The following GYPB variants were observed in gnomAD, a reference collection of about 807,000 sequenced individuals.
GYPB encodes glycophorin-B.
In GYPB, 13 loss-of-function variants were observed where a neutral mutation model predicts 15.3. The observed-to-expected ratio is 0.85, with a 90% confidence interval of 0.55 to 1.35. GYPB has a LOEUF of 1.35. GYPB is among the 40% of genes most tolerant of loss of function. The probability of loss-of-function intolerance (pLI) is 0.00; values close to 1 mark genes in which losing one functional copy is unlikely to be tolerated. For synonymous variants in GYPB, 38 were observed against 36.9 expected (o/e 1.03, Z -0.11); for missense variants, 131 against 108.3 (o/e 1.21, Z -0.93).
At chr4:144,015,764 G>T (rs1728454767) in intron 1 of GYPB, among the ~76,000 whole-genome samples, 1 of 151,214 alleles carries the variant, frequency 6.6e-6, no homozygotes. Flanking sequence ...ATATTTACAG[G>T]TTTGGCAGCT....
intron 1 of GYPB, among the ~76,000 whole-genome samples, chr4:144,003,460 A>T (rs1356879413): frequency 6.6e-6 from 1 of 151,284 alleles, no homozygotes; most frequent in Non-Finnish European, 1.5e-5. Context: ...CTGAGGCTTT[A>T]AAGGGGGCAG....
At chr4:144,007,423 T>G (rs1225488903) in intron 1 of GYPB, among the ~76,000 whole-genome samples, 2 of 151,698 alleles carry the variant, frequency 1.3e-5, no homozygotes, top group Non-Finnish European at 2.9e-5. Context: ...GGTGCTGTAT[T>G]TATTCTATCT....
rs549738513 is a variant in GYPB, at chr4:144,016,015, T to C, written c.37+3236A>G. Reference sequence around the variant, plus strand: ...TGTGGCTGACAATGTGTGGGACACATAAGCGAAGACACAGGTTTGGCTTTT... The same window carrying C: ...TGTGGCTGACAATGTGTGGGACACACAAGCGAAGACACAGGTTTGGCTTTT... On this transcript the variant is annotated intron_variant, in intron 1 of 4. Transcript: ENST00000502664. Among the ~76,000 whole-genome samples, 3 of 151,102 alleles carry C rather than the reference T, an allele frequency of 2.0e-5. No homozygotes were observed. The South Asian group carries it at 6.2e-4, about 31-fold the overall frequency.
At chr4:144,003,975 A>G (rs10222701) in intron 1 of GYPB, among the ~76,000 whole-genome samples, 127,270 of 148,570 alleles carry the variant, frequency 0.86, 57,868 homozygotes, top group Non-Finnish European at 0.99. Flanking sequence ...CTAACATTGA[A>G]GGTAACACAT....
intron 1 of GYPB, among the ~76,000 whole-genome samples, chr4:144,013,485 C>A (rs1579068926): frequency 6.6e-6 from 1 of 151,248 alleles, no homozygotes; most frequent in Non-Finnish European, 1.5e-5. Flanking sequence ...TTTATTGTGG[C>A]ATTATTCACA....
chr4:144,009,125 A>G (rs116078200), intron 1 of GYPB, among the ~76,000 whole-genome samples: 7,343 of 151,184 alleles, frequency 0.049, 255 homozygotes, highest in Middle Eastern at 0.12. Context: ...ATTCACATTT[A>G]ATTTTACTTT....
chr4:144,004,358 T>C (rs1488518700), intron 1 of GYPB, among the ~76,000 whole-genome samples: 2 of 151,946 alleles, frequency 1.3e-5, no homozygotes, highest in African/African-American at 4.9e-5. Flanking sequence ...AGCCTTTCAG[T>C]AGGAATTAAT....
At chr4:143,996,966 G>T (rs1727350901) in intron 4 of GYPB, among the ~76,000 whole-genome samples, 1 of 150,780 alleles carries the variant, frequency 6.6e-6, no homozygotes. Context: ...GAGTGCAGTA[G>T]CATGATCACA....
chr4:144,005,388 TA>T (rs1162267278), intron 1 of GYPB, among the ~76,000 whole-genome samples: 2 of 151,964 alleles, frequency 1.3e-5, no homozygotes, highest in East Asian at 3.8e-4. Flanking sequence ...GGGCATATTG[TA>T]CATACAAAAA....
At chr4:144,001,420 C>G (rs915991006) in intron 1 of GYPB, 137 bp from the exon 2 acceptor site, 236 of 1,483,840 alleles carry the variant, frequency 1.6e-4, no homozygotes, top group Admixed American at 1.9e-4. Context: ...CTTACATAAT[C>G]TTTAGAGAAT....
At chr4:144,006,213 G>A (rs556253319) in intron 1 of GYPB, among the ~76,000 whole-genome samples, 77 of 152,052 alleles carry the variant, frequency 5.1e-4, no homozygotes, top group African/African-American at 1.7e-3. Flanking sequence ...GGAATGAATT[G>A]GTATACTTTC....
At chr4:143,995,501 G>T (rs370231152), downstream of GYPB, among the ~76,000 whole-genome samples, 3 of 151,360 alleles carry the variant, frequency 2.0e-5, no homozygotes, top group African/African-American at 7.4e-5. Context: ...GGGACCCCAG[G>T]TCCTTTGGTT....
chr4:143,999,267 C>A, intron 3 of GYPB, 144 bp downstream of exon 3: 1 of 581,612 alleles, frequency 1.7e-6, no homozygotes, highest in Non-Finnish European at 3.1e-6. Context: ...AGAATATTTT[C>A]TTTGTCTTTA....
chr4:144,019,225 A>T (rs201969751), intron 1 of GYPB, 26 bp downstream of exon 1: 39 of 1,610,416 alleles, frequency 2.4e-5, no homozygotes, highest in Non-Finnish European at 3.1e-5. Context: ...AATATAACAG[A>T]ACCAAGATGA....
At position 143,996,242 on chromosome 4, in the gene GYPB, G is replaced by A. The variant is rs1263409556; in HGVS notation, c.*57C>T. ...AGGTGCAGCCAGTTTGCATAAACAA[G>A]AGAACAGCAGGTGCAGCCGGTTCTA... On this transcript the variant is annotated 3_prime_UTR_variant, in exon 5 of 5. Coordinates refer to ENST00000502664, the MANE Select transcript of GYPB (RefSeq NM_002100.6). 8.4e-6 allele frequency: 13 copies of A among 1,550,088 alleles called. No homozygotes were observed. Among genetic ancestry groups the A allele is most frequent in the Non-Finnish European group, 1.1e-5 (13 of 1,146,694 alleles).
In GYPB at chr4:144,019,153, T is replaced by G. The variant is rs1417570992; in HGVS notation, c.37+98A>C. On this transcript the variant is annotated intron_variant, in intron 1 of 4. Coordinates refer to ENST00000502664, the MANE Select transcript of GYPB (RefSeq NM_002100.6). ...GGAAGAGGAAATACTACTCATTTATTGATTTAAATAAGATAGAACTGAAAT... is the reference window on the plus strand; with the variant it reads ...GGAAGAGGAAATACTACTCATTTATGGATTTAAATAAGATAGAACTGAAAT... 140 of 1,564,142 alleles carry G rather than the reference T, an allele frequency of 9.0e-5. 1 individual carries two copies. The highest frequency in any genetic ancestry group is 5.1e-4 in the Middle Eastern group (3 of 5,892).
intron 1 of GYPB, among the ~76,000 whole-genome samples, chr4:144,015,956 GTCATTTT>G (rs1291852799): frequency 1.3e-5 from 2 of 150,996 alleles, no homozygotes; most frequent in Non-Finnish European, 2.9e-5. Context: ...TTTGTCATTT[GTCATTTT>G]GAGTAGTTGA....
intron 3 of GYPB, among the ~76,000 whole-genome samples, chr4:143,998,081 A>C (rs1006936311): frequency 6.6e-6 from 1 of 151,466 alleles, no homozygotes; most frequent in Non-Finnish European, 1.5e-5. Flanking sequence ...AACTGGTATA[A>C]ACAGTTTACA....
intron 3 of GYPB, 102 bp downstream of exon 3, chr4:143,999,309 G>T: frequency 1.5e-6 from 1 of 677,336 alleles, no homozygotes. Flanking sequence ...AACAACATAT[G>T]CTCTTCTGTT....
Sources: allele counts gnomAD v4.1 joint callset (sites outside exome capture counted in the v4.1 genomes callset), GRCh38; gene constraint gnomAD v4.1.1; transcripts MANE v1.5; gene names NCBI Gene and HGNC (gene_info 2026-07-23, HGNC 2026-07-21).